PTPRT: variants seen among roughly 807,000 people sequenced by gnomAD.
PTPRT encodes receptor-type tyrosine-protein phosphatase T.
A neutral mutation model predicts 176.8 loss-of-function variants in PTPRT; 56 were observed. That is an observed-to-expected ratio of 0.32 (90% confidence interval 0.26 to 0.40). PTPRT has a LOEUF of 0.40. PTPRT is among the 10% of genes least tolerant of loss of function. PTPRT has a pLI of 1.00. For synonymous variants in PTPRT, 783 were observed against 739.0 expected (o/e 1.06, Z -0.96); for missense variants, 1,540 against 1,908.2 (o/e 0.81, Z 3.60).
At chr20:42,966,514 GC>G (rs1441362990) in intron 1 of PTPRT, 1 of 152,150 alleles carries the variant, frequency 6.6e-6, no homozygotes, top group African/African-American at 2.4e-5. Context: ...TCAGAAGCAG[GC>G]CTGTGTCTGT....
chr20:42,283,464 A>T (rs2057174482), intron 12 of PTPRT, among the ~76,000 whole-genome samples: 1 of 152,154 alleles, frequency 6.6e-6, no homozygotes, highest in African/African-American at 2.4e-5. Flanking sequence ...CAATCAGGAT[A>T]GGAAAGGTTA....
chr20:42,181,581 C>T (rs1990528179), intron 16 of PTPRT, among the ~76,000 whole-genome samples: 1 of 152,192 alleles, frequency 6.6e-6, no homozygotes, highest in African/African-American at 2.4e-5. Flanking sequence ...GCTATGTCTG[C>T]AGGTCCTCAT....
At chr20:42,288,478 G>A (rs1049377792) in intron 12 of PTPRT, among the ~76,000 whole-genome samples, 1 of 151,850 alleles carries the variant, frequency 6.6e-6, no homozygotes, top group African/African-American at 2.4e-5. Flanking sequence ...AATGAACATA[G>A]TACCCAATAT....
intron 13 of PTPRT, among the ~76,000 whole-genome samples, chr20:42,256,497 A>T (rs1034298487): frequency 1.5e-5 from 2 of 130,572 alleles, no homozygotes; most frequent in Non-Finnish European, 3.5e-5. Flanking sequence ...GACTTTTTTT[A>T]AAAATGAAAA....
At chr20:42,311,616 T>C (rs988016771) in intron 12 of PTPRT, among the ~76,000 whole-genome samples, 1 of 152,296 alleles carries the variant, frequency 6.6e-6, no homozygotes, top group Middle Eastern at 3.4e-3. Context: ...GACAGAAATA[T>C]GGGTAATTCT....
chr20:42,041,354 C>T, the PTPRT span, among the ~76,000 whole-genome samples: 1 of 152,154 alleles, frequency 6.6e-6, no homozygotes, highest in African/African-American at 2.4e-5. Flanking sequence ...TGAAACAGGG[C>T]TGAGAGGCTG....
At chr20:42,851,716 A>G (rs949951331) in intron 2 of PTPRT, among the ~76,000 whole-genome samples, 5 of 152,190 alleles carry the variant, frequency 3.3e-5, no homozygotes, top group African/African-American at 1.2e-4. Flanking sequence ...GCAACTACTC[A>G]GTTCTGCCAT....
At chr20:42,543,411 A>C (rs2072618350) in intron 7 of PTPRT, among the ~76,000 whole-genome samples, 1 of 152,154 alleles carries the variant, frequency 6.6e-6, no homozygotes, top group South Asian at 2.1e-4. Context: ...TCATTTGTTA[A>C]AATTTTATCA....
downstream of PTPRT, among the ~76,000 whole-genome samples, chr20:42,068,559 C>T (rs529495328): frequency 6.6e-5 from 10 of 152,256 alleles, no homozygotes; most frequent in South Asian, 6.2e-4. Flanking sequence ...TAGAAATGGA[C>T]GATTGACCAA....
At chr20:42,270,363 T>TCCCCC in intron 13 of PTPRT, 3 of 1,332,710 alleles carry the variant, frequency 2.3e-6, no homozygotes, top group Non-Finnish European at 2.1e-6. Flanking sequence ...TGGGCAACTC[T>TCCCCC]CCCCTCCCAC....
intron 7 of PTPRT, among the ~76,000 whole-genome samples, chr20:42,518,165 G>A (rs192058961): frequency 2.9e-4 from 44 of 151,934 alleles, no homozygotes; most frequent in African/African-American, 8.0e-4. Context: ...GACTTTTGTC[G>A]GTATATTAAT....
At chr20:43,104,322 C>G (rs1009955533) in intron 1 of PTPRT, among the ~76,000 whole-genome samples, 3 of 151,980 alleles carry the variant, frequency 2.0e-5, no homozygotes, top group African/African-American at 7.3e-5. Flanking sequence ...TTCTGCTTCC[C>G]GAACCCCCAG....
intron 7 of PTPRT, among the ~76,000 whole-genome samples, chr20:42,496,362 C>G (rs1336277441): frequency 6.6e-6 from 1 of 152,132 alleles, no homozygotes; most frequent in Admixed American, 6.6e-5. Context: ...TTTCTTCCAC[C>G]TCTTGCTTTA....
intron 6 of PTPRT, among the ~76,000 whole-genome samples, chr20:42,735,860 G>A (rs62205399): frequency 2.6e-5 from 4 of 151,910 alleles, no homozygotes; most frequent in African/African-American, 9.7e-5. Flanking sequence ...GCAGCCACTC[G>A]GCCCTCAACT....
intron 7 of PTPRT, among the ~76,000 whole-genome samples, chr20:42,501,329 C>A (rs544116764): frequency 6.6e-6 from 1 of 152,212 alleles, no homozygotes; most frequent in South Asian, 2.1e-4. Flanking sequence ...GAATATCCCA[C>A]ATTTATTCAT....
chr20:42,128,805 C>A lies in PTPRT; in HGVS notation c.2796G>T (p.Leu932=). 6.2e-7 allele frequency: 1 copy of A among 1,606,668 alleles called. No individual in the cohort carries two copies. The highest frequency in any genetic ancestry group is 8.5e-7 in the Non-Finnish European group (1 of 1,175,934). The change falls in exon 19 of 31, where the codon CTG becomes CTT. Residue 932 remains leucine (L), a synonymous_variant. Transcript: ENST00000373187. ...ISYDHSRVRL[L]VLDGDPHSDY... is the part of the protein sequence containing the mutation. ...CAGAGTGCGGGTCTCCATCCAGCACCAGCAGCCTCACCCGGGAATGGTCGT... is the reference window on the plus strand; with the variant it reads ...CAGAGTGCGGGTCTCCATCCAGCACAAGCAGCCTCACCCGGGAATGGTCGT...
intron 9 of PTPRT, among the ~76,000 whole-genome samples, chr20:42,357,795 T>C (rs934325026): frequency 5.9e-5 from 9 of 151,794 alleles, no homozygotes; most frequent in Non-Finnish European, 7.4e-5. Context: ...ACGCCTGTAG[T>C]CCTAGTTACT....
intron 12 of PTPRT, among the ~76,000 whole-genome samples, chr20:42,283,091 G>C (rs2057167708): frequency 6.6e-6 from 1 of 152,112 alleles, no homozygotes; most frequent in Non-Finnish European, 1.5e-5. Context: ...AATAATGTGT[G>C]TGGCAATAGA....
intron 17 of PTPRT, among the ~76,000 whole-genome samples, chr20:42,147,372 C>T (rs1396414031): frequency 6.6e-6 from 1 of 152,166 alleles, no homozygotes; most frequent in Non-Finnish European, 1.5e-5. Flanking sequence ...TAGCATCTAT[C>T]ACTTGGATAA....
Sources: allele counts gnomAD v4.1 joint callset (sites outside exome capture counted in the v4.1 genomes callset), GRCh38; gene constraint gnomAD v4.1.1; transcripts MANE v1.5; gene names NCBI Gene and HGNC (gene_info 2026-07-23, HGNC 2026-07-21).